The following DNAH12 variants were observed in gnomAD, a reference collection of about 807,000 sequenced individuals.
The protein encoded by DNAH12 is dynein axonemal heavy chain 12, also known as axonemal beta dynein heavy chain 12.
Under a neutral mutation model 371.5 loss-of-function variants are expected in DNAH12, and 285 were observed. That is an observed-to-expected ratio of 0.77 (90% CI 0.70 to 0.85). DNAH12 has a LOEUF of 0.85. Among genes scored for constraint, DNAH12 ranks in the 40% least tolerant of loss-of-function variants. The pLI is 0.00. For synonymous variants in DNAH12, 1,200 were observed against 1,213.0 expected, an observed-to-expected ratio of 0.99 and a Z score of 0.22; for missense variants, 3,611 against 3,689.4, an observed-to-expected ratio of 0.98 and a Z score of 0.55.
At position 57,299,142 on chromosome 3, in the gene DNAH12, G is replaced by A. The variant is rs567222276; in HGVS notation, c.11395-2158C>T. On this transcript the variant is annotated intron_variant, in intron 70 of 73. Coordinates refer to ENST00000495027, the MANE Select transcript of DNAH12 (RefSeq NM_001366028.2). ...TGACAAGGGTAAAACCAGGGAGAGCGAGCACCAAGCACAAGAAAGCTGTAA... is the reference window on the plus strand; with the variant it reads ...TGACAAGGGTAAAACCAGGGAGAGCAAGCACCAAGCACAAGAAAGCTGTAA... Among the ~76,000 whole-genome samples the A allele has an allele frequency of 2.8e-4, 42 of 152,224 alleles. No individual in the cohort carries two copies. In the Middle Eastern group the frequency reaches 0.01, roughly 37 times the overall value.
At chr3:57,402,566 A>G (rs2063903533) in intron 43 of DNAH12, 1 of 658,842 alleles carries the variant, frequency 1.5e-6, no homozygotes, top group African/African-American at 1.9e-5. Flanking sequence ...ATATATAGTC[A>G]GTGGCACAAG....
chr3:57,338,785 G>A (rs570608785), intron 60 of DNAH12, among the ~76,000 whole-genome samples: 15 of 152,104 alleles, frequency 9.9e-5, no homozygotes, highest in South Asian at 2.1e-4. Flanking sequence ...CAGCCACCCC[G>A]TCTGGGAAGT....
chr3:57,479,151 C>T (rs1369159397), intron 13 of DNAH12, among the ~76,000 whole-genome samples: 1 of 81,576 alleles, frequency 1.2e-5, no homozygotes, highest in East Asian at 2.6e-4. Flanking sequence ...AGTCAAGACC[C>T]ATAGTGTGCT....
At chr3:57,481,749 G>C (rs1220857864) in intron 13 of DNAH12, among the ~76,000 whole-genome samples, 17 of 151,900 alleles carry the variant, frequency 1.1e-4, no homozygotes, top group Non-Finnish European at 2.4e-4. Context: ...CAGAACAGAG[G>C]CCTCAGAAAT....
rs17057989 is a variant in DNAH12 at position 57,310,790 on chromosome 3, T to A, written c.10823A>T (p.Tyr3608Phe). Residue 3608 changes from tyrosine (Y) to phenylalanine (F), a missense_variant, in exon 67 of 74, where the codon TAT becomes TTT. By Grantham distance (22) the Tyr-to-Phe change is conservative. This residue lies in a region of DNAH12 where 2,266 missense variants were observed against 2,236.9 expected (regional missense o/e 1.01). Transcript: ENST00000495027. ...ATAGTTTCCACTGGGAGAAAACTTA[T>A]AATGAGGGTTTTCAACTATGTACAG... The part of the protein sequence containing the change: ...YNLYIVENPH[Y>F]KFSPSGNYFA... 1.8e-3 allele frequency: 2,764 copies of A among 1,551,636 alleles called. 32 individuals are homozygous for A. The African/African-American group carries it at 0.034, about 19-fold the overall frequency.
At chr3:57,306,229 A>G (rs576506188) in intron 69 of DNAH12, among the ~76,000 whole-genome samples, 79 of 152,270 alleles carry the variant, frequency 5.2e-4, no homozygotes, top group African/African-American at 1.5e-3. Context: ...TCACAGTGGA[A>G]GGTAAGTCCG....
At position 57,510,802 on chromosome 3, in the gene DNAH12, T is replaced by G; in HGVS notation, c.457A>C (p.Lys153Gln). 6.2e-6 allele frequency: 10 copies of G among 1,613,982 alleles called. No homozygotes were observed. Among genetic ancestry groups the G allele is most frequent in the Non-Finnish European group, 8.5e-6 (10 of 1,180,008 alleles). Reference sequence around the variant, plus strand: ...AGATGCTACTTACCCAAATATCTCTTCATGCTGTTTTCAAAGTCACTTGAC... The same window carrying G: ...AGATGCTACTTACCCAAATATCTCTGCATGCTGTTTTCAAAGTCACTTGAC... ...EVSSDFENSM[K>Q]RYLVQSVLVK... Residue 153 changes from lysine to glutamine, a missense_variant, in exon 5 of 74, where the codon AAG (lysine) becomes CAG (glutamine). By Grantham distance (53) the Lys-to-Gln change is moderately conservative (BLOSUM62 1). Around this residue, in one of 3 missense-constraint regions of DNAH12, gnomAD observed 1,314 missense variants for 1,398.7 expected, o/e 0.94. Coordinates refer to ENST00000495027, the MANE Select transcript of DNAH12 (RefSeq NM_001366028.2).
At chr3:57,324,690 A>G (rs1002282154) in intron 62 of DNAH12, among the ~76,000 whole-genome samples, 12 of 152,228 alleles carry the variant, frequency 7.9e-5, no homozygotes, top group Admixed American at 1.3e-4. Context: ...TACTTGGTTC[A>G]TCTCACTAGG....
chr3:57,418,719 G>C (rs2064471093), intron 37 of DNAH12, among the ~76,000 whole-genome samples: 3 of 151,696 alleles, frequency 2.0e-5, no homozygotes, highest in Admixed American at 2.0e-4. Flanking sequence ...ATTGGTCACA[G>C]AATGCATTCA....
At chr3:57,392,484 T>C (rs1269172873) in intron 44 of DNAH12, among the ~76,000 whole-genome samples, 1 of 152,058 alleles carries the variant, frequency 6.6e-6, no homozygotes, top group Non-Finnish European at 1.5e-5. Context: ...TCCTAGTTTC[T>C]TGGGAGGCTG....
Position 57,508,379 on chromosome 3 carries a change from T to C in DNAH12, c.701+3A>G, listed in dbSNP as rs1324237547. On this transcript the variant is annotated splice_donor_region_variant and intron_variant, in intron 7 of 73. Transcript: ENST00000495027. Reference sequence around the variant, plus strand: ...TCAAATTTTAAATTAAACGGGATTTTACCTAATTCCTGTGAAGTCCAACAA... The same window carrying C: ...TCAAATTTTAAATTAAACGGGATTTCACCTAATTCCTGTGAAGTCCAACAA... 11 of 1,590,420 alleles carry C rather than the reference T, an allele frequency of 6.9e-6. No homozygotes were observed. The highest frequency in any genetic ancestry group is 1.4e-5 in the African/African-American group (1 of 73,252).
chr3:57,393,290 A>G (rs1318386238), intron 44 of DNAH12, among the ~76,000 whole-genome samples: 3 of 152,096 alleles, frequency 2.0e-5, no homozygotes, highest in Non-Finnish European at 4.4e-5. Flanking sequence ...GGTAAAAGTG[A>G]TTATGGTAAT....
intron 1 of DNAH12, among the ~76,000 whole-genome samples, chr3:57,543,903 C>T (rs931415104): frequency 8.6e-5 from 13 of 151,682 alleles, no homozygotes; most frequent in African/African-American, 3.1e-4. Flanking sequence ...AAAAATTAGC[C>T]GGGCGTGGTG....
intron 11 of DNAH12, among the ~76,000 whole-genome samples, chr3:57,497,165 C>T (rs1472659040): frequency 6.6e-6 from 1 of 152,198 alleles, no homozygotes; most frequent in Non-Finnish European, 1.5e-5. Flanking sequence ...GATGGCAGTT[C>T]TTTCCAAATT....
At chr3:57,366,306 G>A (rs2063050515) in intron 57 of DNAH12, among the ~76,000 whole-genome samples, 1 of 152,148 alleles carries the variant, frequency 6.6e-6, no homozygotes, top group East Asian at 1.9e-4. Flanking sequence ...CCCTTGTTTG[G>A]CATATAATCA....
intron 33 of DNAH12, among the ~76,000 whole-genome samples, chr3:57,429,113 C>T (rs2064873685): frequency 6.6e-6 from 1 of 152,150 alleles, no homozygotes; most frequent in African/African-American, 2.4e-5. Context: ...TCAGATCAAA[C>T]ACTCAGTTAC....
At chr3:57,439,813 T>C (rs937493855) in intron 29 of DNAH12, among the ~76,000 whole-genome samples, 1 of 150,986 alleles carries the variant, frequency 6.6e-6, no homozygotes, top group Non-Finnish European at 1.5e-5. Flanking sequence ...ATATCCAGAA[T>C]TGATAAGGAA....
intron 11 of DNAH12, among the ~76,000 whole-genome samples, chr3:57,490,127 C>T (rs2067067363): frequency 6.6e-6 from 1 of 152,074 alleles, no homozygotes; most frequent in South Asian, 2.1e-4. Context: ...TCTAATTCAA[C>T]CTTTAGGAAA....
chr3:57,297,448 T>TG (rs1393331707), intron 70 of DNAH12: 5 of 157,122 alleles, frequency 3.2e-5, no homozygotes, highest in African/African-American at 1.2e-4. Flanking sequence ...CTCTGCCTCC[T>TG]GGGTTCGAGT....
Sources: allele counts gnomAD v4.1 joint callset (sites outside exome capture counted in the v4.1 genomes callset), GRCh38; gene constraint gnomAD v4.1.1; regional missense constraint gnomAD v4.1.1; transcripts MANE v1.5; gene names NCBI Gene and HGNC (gene_info 2026-07-23, HGNC 2026-07-21).